Variants in NARS2 observed in about 807,000 individuals in gnomAD.
The protein encoded by NARS2 is asparaginyl-tRNA synthetase.
A neutral mutation model predicts 62.9 loss-of-function variants in NARS2; 60 were observed. The ratio of observed to expected loss-of-function variants is 0.95; its 90% CI spans 0.77 to 1.18. The LOEUF (loss-of-function observed/expected upper bound fraction) is 1.18. Ranked by LOEUF, NARS2 falls within the 50% of genes most tolerant of loss-of-function variation. The pLI is 0.00. For synonymous variants in NARS2, 196 were observed against 200.0 expected (o/e 0.98, Z 0.17); for missense variants, 619 against 576.4 (o/e 1.07, Z -0.76).
At position 78,435,975 on chromosome 11, in the gene NARS2, TA is replaced by T. The variant is rs144439548; in HGVS notation, c.*694del. The T allele has an allele frequency of 4.6e-5, 7 of 152,162 alleles. No homozygotes were observed. The highest frequency in any genetic ancestry group is 1.3e-4 in the Admixed American group (2 of 15,280). The allele number at this position is 152,162 out of a possible 1,614,324, so 9.4% of individuals were successfully genotyped here. On this transcript the variant is annotated 3_prime_UTR_variant, in exon 14 of 14. Coordinates refer to ENST00000281038, the MANE Select transcript of NARS2 (RefSeq NM_024678.6). ...TAACTTTTTTTCCATAGGTGTCTAT[TA>T]AAAAAATCTATTTTATTAGACAAAT...
At chr11:78,472,732 CCT>C (rs977238539) in intron 9 of NARS2, among the ~76,000 whole-genome samples, 6 of 152,276 alleles carry the variant, frequency 3.9e-5, no homozygotes, top group Admixed American at 2.6e-4. Flanking sequence ...TCGCCATCTC[CCT>C]GTTTTTTCTT....
chr11:78,467,856 G>C (rs1391393655), intron 10 of NARS2, among the ~76,000 whole-genome samples: 1 of 151,810 alleles, frequency 6.6e-6, no homozygotes, highest in Admixed American at 6.6e-5. Flanking sequence ...TTCTTTTGTT[G>C]TTGTTCTTCG....
intron 5 of NARS2, among the ~76,000 whole-genome samples, chr11:78,530,288 A>C (rs985352480): frequency 6.6e-6 from 1 of 152,144 alleles, no homozygotes; most frequent in Non-Finnish European, 1.5e-5. Flanking sequence ...CTGTTCTCTG[A>C]TATTTCTTCA....
chr11:78,517,382 G>C (rs138319233), intron 6 of NARS2, among the ~76,000 whole-genome samples: 1 of 152,180 alleles, frequency 6.6e-6, no homozygotes, highest in Non-Finnish European at 1.5e-5. Context: ...AACACAACTG[G>C]CATTCAGTTC....
chr11:78,518,820 AT>A (rs1861008805), intron 6 of NARS2, among the ~76,000 whole-genome samples: 3 of 152,104 alleles, frequency 2.0e-5, no homozygotes, highest in Non-Finnish European at 4.4e-5. Flanking sequence ...CCCGGCCAGA[AT>A]TTTTCTTTAT....
chr11:78,545,702 T>C (rs1317329727), intron 5 of NARS2, among the ~76,000 whole-genome samples: 2 of 151,970 alleles, frequency 1.3e-5, no homozygotes, highest in African/African-American at 4.8e-5. Context: ...AATTTTTGTA[T>C]TTTTAGTAGA....
At chr11:78,461,602 T>TAAAAAAAAAAAAAAAAAA (rs59664343) in intron 11 of NARS2, among the ~76,000 whole-genome samples, 2 of 64,078 alleles carry the variant, frequency 3.1e-5, no homozygotes, top group African/African-American at 1.2e-4. Context: ...GCTGTGCTGG[T>TAAAAAAAAAAAAAAAAAA]AAAAAAAAAA....
intron 6 of NARS2, among the ~76,000 whole-genome samples, chr11:78,500,858 C>T (rs546647122): frequency 3.3e-4 from 50 of 152,174 alleles, no homozygotes; most frequent in African/African-American, 9.6e-4. Flanking sequence ...TTTGGAAGGC[C>T]GAGGCGGGTG....
Position 78,566,170 on chromosome 11 carries a change from G to T in NARS2, c.475C>A (p.Arg159Ser). Residue 159 changes from arginine (R) to serine (S), a missense_variant, in exon 4 of 14, where the codon CGC becomes AGC. Physicochemically the swap from Arg to Ser is moderately radical, Grantham distance 110. Coordinates refer to ENST00000281038, the MANE Select transcript of NARS2 (RefSeq NM_024678.6). ...TNVLGSILRI[R>S]SEATAAIHSF... The stretch of plus-strand genomic sequence containing the variant: ...TGAATAGCAGCTGTCGCTTCACTGC[G>T]AATCCTCAATATAGAACCCAGAACG... 1 of 1,611,624 alleles carries T rather than the reference G, an allele frequency of 6.2e-7. No individual in the cohort carries two copies. The highest frequency in any genetic ancestry group is 8.5e-7 in the Non-Finnish European group (1 of 1,178,650).
intron 1 of NARS2, among the ~76,000 whole-genome samples, chr11:78,572,137 G>A (rs528647809): frequency 8.0e-4 from 121 of 152,082 alleles, no homozygotes; most frequent in Middle Eastern, 3.2e-3. Context: ...AGCCAAGATC[G>A]CGCCAGTGCA....
At chr11:78,547,271 A>C (rs1008091755) in intron 5 of NARS2, among the ~76,000 whole-genome samples, 1 of 152,066 alleles carries the variant, frequency 6.6e-6, no homozygotes, top group African/African-American at 2.4e-5. Flanking sequence ...TAAAAGAAGA[A>C]AAAAAAAGAA....
intron 11 of NARS2, among the ~76,000 whole-genome samples, chr11:78,444,548 G>A (rs1007783555): frequency 5.9e-5 from 9 of 151,816 alleles, no homozygotes; most frequent in Non-Finnish European, 1.3e-4. Context: ...TACAACCCCC[G>A]TCTCTACTAA....
chr11:78,549,542 T>C (rs1590849610), intron 5 of NARS2, among the ~76,000 whole-genome samples: 1 of 152,158 alleles, frequency 6.6e-6, no homozygotes, highest in Non-Finnish European at 1.5e-5. Flanking sequence ...GATTTCCTAG[T>C]ATGCTGGAAA....
chr11:78,565,450 G>A (rs889238654), intron 4 of NARS2, among the ~76,000 whole-genome samples: 1 of 152,142 alleles, frequency 6.6e-6, no homozygotes, highest in African/African-American at 2.4e-5. Context: ...ACCCCTACCA[G>A]TAGACCAGCT....
At chr11:78,463,512 C>A (rs903490203) in intron 11 of NARS2, among the ~76,000 whole-genome samples, 3 of 151,950 alleles carry the variant, frequency 2.0e-5, no homozygotes, top group African/African-American at 7.3e-5. Flanking sequence ...ATGGTGAAAC[C>A]CTGTCTCTAC....
At chr11:78,488,793 A>G (rs1859688011) in intron 7 of NARS2, among the ~76,000 whole-genome samples, 1 of 152,188 alleles carries the variant, frequency 6.6e-6, no homozygotes, top group Non-Finnish European at 1.5e-5. Context: ...ATAGATCCAT[A>G]TATATATGAC....
chr11:78,509,874 T>TTTTTG (rs1395577160), intron 6 of NARS2, among the ~76,000 whole-genome samples: 1 of 148,412 alleles, frequency 6.7e-6, no homozygotes, highest in East Asian at 1.9e-4. Context: ...AAAGTGAGAG[T>TTTTTG]TTTTGTATGT....
chr11:78,472,732 C>T (rs1003637439), intron 9 of NARS2, among the ~76,000 whole-genome samples: 2 of 152,158 alleles, frequency 1.3e-5, no homozygotes, highest in Non-Finnish European at 1.5e-5. Flanking sequence ...TCGCCATCTC[C>T]CTGTTTTTTC....
At chr11:78,449,479 T>C (rs971113512) in intron 11 of NARS2, among the ~76,000 whole-genome samples, 1 of 149,350 alleles carries the variant, frequency 6.7e-6, no homozygotes, top group Non-Finnish European at 1.5e-5. Context: ...ATAGCTACGT[T>C]AAAAAAAAAA....
Sources: gnomAD v4.1 joint callset for allele counts (sites outside exome capture counted in the v4.1 genomes callset) on GRCh38, gnomAD v4.1.1 for gene constraint, MANE v1.5 for transcripts, NCBI Gene and HGNC (gene_info 2026-07-23, HGNC 2026-07-21) for gene names.